DNAH10: variants seen among roughly 807,000 people sequenced by gnomAD.
The protein encoded by DNAH10 is dynein axonemal heavy chain 10.
A neutral mutation model predicts 506.6 loss-of-function variants in DNAH10; 348 were observed. That is an observed-to-expected ratio of 0.69 (90% CI 0.63 to 0.75). DNAH10 has a LOEUF of 0.75. Ranked by LOEUF, DNAH10 falls within the 30% of genes least tolerant of loss-of-function variation. The probability of loss-of-function intolerance (pLI) is 0.00; values close to 1 mark genes in which losing one functional copy is unlikely to be tolerated. For synonymous variants in DNAH10, 2,059 were observed against 2,198.6 expected (o/e 0.94, Z 1.78); for missense variants, 5,179 against 5,787.1 (o/e 0.89, Z 3.41).
chr12:123,778,590 G>A (rs1410179780), intron 5 of DNAH10, among the ~76,000 whole-genome samples: 2 of 151,672 alleles, frequency 1.3e-5, no homozygotes, highest in African/African-American at 4.8e-5. Flanking sequence ...CAGCTACTTG[G>A]GAGGCTGAGG....
intron 30 of DNAH10, among the ~76,000 whole-genome samples, chr12:123,842,848 CAGTT>C (rs1417479261): frequency 2.0e-5 from 3 of 152,200 alleles, no homozygotes; most frequent in Non-Finnish European, 2.9e-5. Flanking sequence ...GAATATTCGA[CAGTT>C]AGTCTTGTGA....
At position 123,902,709 on chromosome 12, in the gene DNAH10, G is replaced by A. The variant is rs560289635; in HGVS notation, c.9641-230G>A. On this transcript the variant is annotated intron_variant, in intron 56 of 78. Coordinates refer to ENST00000673944, the MANE Select transcript of DNAH10 (RefSeq NM_001372106.1). The surrounding 1 kb of genome is among the most constrained non-coding windows in gnomAD (Gnocchi z 4.5). Reference sequence around the variant, plus strand: ...GATGGAGTGGGTGGGACACAGGTGGGCCAGTTGAGGAAGGTCAGAGTCAGG... The same window carrying A: ...GATGGAGTGGGTGGGACACAGGTGGACCAGTTGAGGAAGGTCAGAGTCAGG... Among the ~76,000 whole-genome samples, 1 of 152,286 alleles carries A rather than the reference G, an allele frequency of 6.6e-6. No individual in the cohort carries two copies. The highest frequency in any genetic ancestry group is 2.1e-4 in the South Asian group (1 of 4,818).
At chr12:123,892,931 C>T (rs868193149) in intron 52 of DNAH10, among the ~76,000 whole-genome samples, 4 of 152,326 alleles carry the variant, frequency 2.6e-5, no homozygotes, top group Middle Eastern at 3.4e-3. Context: ...GCTGAGAATC[C>T]CTGCTTCGGA....
intron 12 of DNAH10, among the ~76,000 whole-genome samples, chr12:123,795,186 A>C (rs1328102280): frequency 6.6e-6 from 1 of 151,948 alleles, no homozygotes; most frequent in Non-Finnish European, 1.5e-5. Context: ...AATGCTTATA[A>C]TCTTATGTAG....
Position 123,845,741 on chromosome 12 carries a change from C to A in DNAH10, c.5502C>A (p.His1834Gln), listed in dbSNP as rs1431944500. The A allele has an allele frequency of 1.2e-6, 2 of 1,613,778 alleles. No individual in the cohort carries two copies. The highest frequency in any genetic ancestry group is 1.7e-6 in the Non-Finnish European group (2 of 1,179,884). The change falls in exon 31 of 79, where the codon CAC becomes CAA. Residue 1834 changes from histidine (H) to glutamine (Q), a missense_variant. By Grantham distance (24) the His-to-Gln change is conservative. Coordinates refer to ENST00000673944, the MANE Select transcript of DNAH10 (RefSeq NM_001372106.1). ...TGAAGAACTATGGCAGGAAAATGCA[C>A]CGGCAGATCGATGAGTTGGTAACGC... ...QAMKNYGRKMHRQIDELVTRI... is the reference protein window; with the variant it reads ...QAMKNYGRKMQRQIDELVTRI...
At chr12:123,764,993 T>C (rs1291940697) in intron 1 of DNAH10, among the ~76,000 whole-genome samples, 1 of 151,982 alleles carries the variant, frequency 6.6e-6, no homozygotes, top group Non-Finnish European at 1.5e-5. Context: ...CCTTGAACAG[T>C]TTCCCTAGAT....
chr12:123,898,747 C>T lies in DNAH10; in HGVS notation c.9573C>T (p.Ile3191=), dbSNP rs199815884. ...ELNQKLAEQK[I]VLAEKSAACE... ...ACCAGAAGCTGGCCGAGCAGAAGATCGTGCTGGCGGAGAAGTCCGCCGCCT... is the reference window on the plus strand; with the variant it reads ...ACCAGAAGCTGGCCGAGCAGAAGATTGTGCTGGCGGAGAAGTCCGCCGCCT... The change falls in exon 56 of 79, where the codon ATC becomes ATT. Residue 3191 remains isoleucine, a synonymous_variant. Coordinates refer to ENST00000673944, the MANE Select transcript of DNAH10 (RefSeq NM_001372106.1). 5.6e-5 allele frequency: 90 copies of T among 1,611,766 alleles called. No individual in the cohort carries two copies. The highest frequency in any genetic ancestry group is 1.9e-4 in the African/African-American group (14 of 75,036).
In DNAH10 at chr12:123,762,864, GT is replaced by G. The variant is rs1318676129; in HGVS notation, c.214+315del. On this transcript the variant is annotated intron_variant, in intron 1 of 78. Coordinates refer to ENST00000673944, the MANE Select transcript of DNAH10 (RefSeq NM_001372106.1). The surrounding 1 kb of genome is among the most constrained non-coding windows in gnomAD (Gnocchi z 5.0). ...TCAACTCCTTAACCCTACGAGGCGG[GT>G]GTATCCTCATCCCTATTTTACAGAT... 1.3e-5 allele frequency among the ~76,000 whole-genome samples: 2 copies of G among 152,220 alleles called. No homozygotes were observed. The highest frequency in any genetic ancestry group is 2.9e-5 in the Non-Finnish European group (2 of 68,036).
chr12:123,814,101 T>A, intron 21 of DNAH10, 189 bp downstream of exon 21: 1 of 545,810 alleles, frequency 1.8e-6, no homozygotes, highest in Non-Finnish European at 3.1e-6. Flanking sequence ...TTTTTCAATC[T>A]GTATGGCTCA....
intron 18 of DNAH10, among the ~76,000 whole-genome samples, chr12:123,807,772 G>A (rs955164655): frequency 5.4e-5 from 8 of 147,030 alleles, no homozygotes; most frequent in Admixed American, 2.0e-4. Flanking sequence ...GAGAGGGATC[G>A]AGAGAGAGAG....
chr12:123,827,443 C>T (rs965938038), intron 25 of DNAH10, among the ~76,000 whole-genome samples: 6 of 152,204 alleles, frequency 3.9e-5, no homozygotes, highest in African/African-American at 1.4e-4. Flanking sequence ...CCTGGGCTTG[C>T]CCCGTTTCAA....
At chr12:123,806,310 G>T (rs1223925699) in intron 18 of DNAH10, among the ~76,000 whole-genome samples, 3 of 152,142 alleles carry the variant, frequency 2.0e-5, no homozygotes, top group Non-Finnish European at 4.4e-5. Context: ...TTCTGTGCTG[G>T]ACTCTTTCCA....
chr12:123,868,767 G>T (rs1378079056), intron 43 of DNAH10, among the ~76,000 whole-genome samples: 1 of 152,166 alleles, frequency 6.6e-6, no homozygotes, highest in Non-Finnish European at 1.5e-5. Flanking sequence ...CTTACCTGGT[G>T]GTCTTTTTAA....
chr12:123,887,758 T>A (rs1230829398), intron 52 of DNAH10, among the ~76,000 whole-genome samples: 1 of 151,916 alleles, frequency 6.6e-6, no homozygotes, highest in East Asian at 1.9e-4. Context: ...TTTCTTTTTT[T>A]TTTTTAGATA....
At chr12:123,855,029 C>T (rs954313633) in intron 36 of DNAH10, among the ~76,000 whole-genome samples, 5 of 152,222 alleles carry the variant, frequency 3.3e-5, no homozygotes, top group Non-Finnish European at 7.3e-5. Context: ...CAGGCTTCAG[C>T]TTGCAACATG....
At position 123,766,130 on chromosome 12, in the gene DNAH10, C is replaced by G. The variant is rs567016530; in HGVS notation, c.215-1476C>G. Among the ~76,000 whole-genome samples the G allele has an allele frequency of 1.8e-3, 267 of 151,874 alleles. 4 individuals are homozygous for G. Among genetic ancestry groups the G allele is most frequent in the African/African-American group, 6.3e-3 (261 of 41,358 alleles). ...TCTGTCTGTCTATCTATCTATACAT[C>G]TATCTCCTGTCTACCTACCTACCTA... On this transcript the variant is annotated intron_variant, in intron 1 of 78. Transcript: ENST00000673944.
At chr12:123,822,182 G>A (rs2674505) in intron 24 of DNAH10, among the ~76,000 whole-genome samples, 105,390 of 152,118 alleles carry the variant, frequency 0.69, 37,794 homozygotes, top group East Asian at 0.99. Context: ...ACTCCAGCCT[G>A]GGTGACAGAG....
chr12:123,770,974 CTTTTTT>C (rs33920942), intron 2 of DNAH10, among the ~76,000 whole-genome samples: 2 of 126,418 alleles, frequency 1.6e-5, no homozygotes, highest in Non-Finnish European at 1.6e-5. Flanking sequence ...AGCTGTAATT[CTTTTTT>C]TTTTTTTTTT....
chr12:123,900,014 T>C (rs1419873411), intron 56 of DNAH10, among the ~76,000 whole-genome samples: 1 of 152,176 alleles, frequency 6.6e-6, no homozygotes, highest in Non-Finnish European at 1.5e-5. Context: ...TCATCTTGCC[T>C]ACCTAATTTC....
Sources: allele counts gnomAD v4.1 joint callset (sites outside exome capture counted in the v4.1 genomes callset), GRCh38; gene constraint gnomAD v4.1.1; non-coding constraint Gnocchi (gnomAD v3.1); transcripts MANE v1.5; gene names NCBI Gene and HGNC (gene_info 2026-07-23, HGNC 2026-07-21).